Variants in KCNH8 observed in about 807,000 individuals in gnomAD.
KCNH8 encodes the protein voltage-gated delayed rectifier potassium channel KCNH8.
KCNH8 carries 70 observed loss-of-function variants against 103.6 expected under a neutral mutation model. The ratio of observed to expected loss-of-function variants is 0.68; its 90% CI spans 0.56 to 0.82. The LOEUF is 0.82. KCNH8 is among the 40% of genes least tolerant of loss of function. The pLI is 0.00. For missense variants in KCNH8, 1,217 were observed against 1,329.9 expected (o/e 0.92, Z 1.32); for synonymous variants, 498 against 489.4 (o/e 1.02, Z -0.23).
At chr3:19,345,947 A>G (rs1201820269) in intron 4 of KCNH8, among the ~76,000 whole-genome samples, 1 of 152,072 alleles carries the variant, frequency 6.6e-6, no homozygotes, top group East Asian at 1.9e-4. Context: ...TGCTTCATAT[A>G]ATCAGCATAA....
chr3:19,419,040 G>C (rs1321136703), intron 7 of KCNH8, among the ~76,000 whole-genome samples: 1 of 152,108 alleles, frequency 6.6e-6, no homozygotes. Flanking sequence ...GATAGGAAAT[G>C]AAAGATAAAC....
chr3:19,164,147 A>G (rs1297281708), intron 1 of KCNH8, among the ~76,000 whole-genome samples: 1 of 152,174 alleles, frequency 6.6e-6, no homozygotes, highest in Admixed American at 6.5e-5. Flanking sequence ...AAACATTGAC[A>G]TGCAGATGAC....
chr3:19,251,561 A>G (rs570636962), intron 1 of KCNH8, among the ~76,000 whole-genome samples: 3 of 152,198 alleles, frequency 2.0e-5, no homozygotes, highest in African/African-American at 7.2e-5. Flanking sequence ...ACAAACAACA[A>G]AAGCTTAAAA....
chr3:19,367,968 T>C (rs1201820605), intron 5 of KCNH8, among the ~76,000 whole-genome samples: 1 of 152,046 alleles, frequency 6.6e-6, no homozygotes, highest in African/African-American at 2.4e-5. Flanking sequence ...TGTTAGGATA[T>C]CATCCTTTCC....
At chr3:19,379,579 G>A (rs997165470) in intron 5 of KCNH8, among the ~76,000 whole-genome samples, 1 of 152,028 alleles carries the variant, frequency 6.6e-6, no homozygotes, top group South Asian at 2.1e-4. Context: ...GGTGGAGGTT[G>A]CAGTGAGCTG....
intron 2 of KCNH8, among the ~76,000 whole-genome samples, chr3:19,280,850 G>C (rs2064746809): frequency 6.6e-6 from 1 of 152,092 alleles, no homozygotes; most frequent in South Asian, 2.1e-4. Context: ...GAACGAGTGT[G>C]TGCTGGGGGT....
chr3:19,462,751 C>A (rs1460611311), intron 11 of KCNH8, among the ~76,000 whole-genome samples: 1 of 152,154 alleles, frequency 6.6e-6, no homozygotes, highest in South Asian at 2.1e-4. Flanking sequence ...CCTAGGTTTT[C>A]TTCTAGGGGT....
At chr3:19,525,860 G>A (rs2069054478) in intron 15 of KCNH8, among the ~76,000 whole-genome samples, 1 of 151,880 alleles carries the variant, frequency 6.6e-6, no homozygotes, top group Admixed American at 6.6e-5. Context: ...ATGGGATTGA[G>A]GTCCTCATAT....
chr3:19,471,417 T>G (rs900729108), intron 11 of KCNH8, among the ~76,000 whole-genome samples: 2 of 152,278 alleles, frequency 1.3e-5, no homozygotes, highest in Admixed American at 1.3e-4. Context: ...TTCTGGATAG[T>G]TGTTTAGGCC....
At chr3:19,420,861 T>C (rs2066940610) in intron 7 of KCNH8, among the ~76,000 whole-genome samples, 1 of 152,224 alleles carries the variant, frequency 6.6e-6, no homozygotes, top group Admixed American at 6.5e-5. Flanking sequence ...ACTGAGGATA[T>C]GTGACTGTGA....
chr3:19,377,205 G>A (rs920010546), intron 5 of KCNH8, among the ~76,000 whole-genome samples: 2 of 152,172 alleles, frequency 1.3e-5, no homozygotes, highest in Non-Finnish European at 2.9e-5. Flanking sequence ...GATATTAGTG[G>A]CAAGGAGACA....
chr3:19,535,003 A>G lies in KCNH8; in HGVS notation c.*904A>G, dbSNP rs966198606. ...ACTACATGAGCTTTGGCATGGGGAT[A>G]GAGAGGCTCCATCTAGGCTCTGCCA... On this transcript the variant is annotated 3_prime_UTR_variant, in exon 16 of 16. Coordinates refer to ENST00000328405, the MANE Select transcript of KCNH8 (RefSeq NM_144633.3). 1.3e-5 allele frequency: 2 copies of G among 152,234 alleles called. No homozygotes were observed. Among genetic ancestry groups the G allele is most frequent in the Non-Finnish European group, 2.9e-5 (2 of 68,040 alleles). The allele number at this position is 152,234 out of a possible 1,614,324, so 9.4% of individuals were successfully genotyped here.
chr3:19,372,988 T>C (rs1249349595), intron 5 of KCNH8, among the ~76,000 whole-genome samples: 4 of 151,942 alleles, frequency 2.6e-5, no homozygotes, highest in Non-Finnish European at 5.9e-5. Flanking sequence ...ATAAGCTTTT[T>C]GATGTGCTGC....
At chr3:19,276,482 CAA>C (rs1292385228) in intron 2 of KCNH8, among the ~76,000 whole-genome samples, 1 of 152,014 alleles carries the variant, frequency 6.6e-6, no homozygotes, top group African/African-American at 2.4e-5. Flanking sequence ...ATATTAGAAA[CAA>C]GAGAACATCA....
chr3:19,182,972 A>G (rs57104291), intron 1 of KCNH8, among the ~76,000 whole-genome samples: 6,306 of 152,326 alleles, frequency 0.041, 468 homozygotes, highest in African/African-American at 0.14. Flanking sequence ...GGATACAGAA[A>G]AAATTTAAGT....
chr3:19,343,712 G>A (rs2065691953), intron 4 of KCNH8, among the ~76,000 whole-genome samples: 1 of 152,038 alleles, frequency 6.6e-6, no homozygotes, highest in Non-Finnish European at 1.5e-5. Flanking sequence ...AACATAGCAA[G>A]CTCAAGGACT....
At chr3:19,148,878 CT>C in intron 1 of KCNH8, 83 bp downstream of exon 1, 2 of 1,198,476 alleles carry the variant, frequency 1.7e-6, no homozygotes, top group East Asian at 2.3e-5. Context: ...CCCACCTTCC[CT>C]TTTGCACCAG....
chr3:19,260,525 TA>T (rs2064419083), intron 2 of KCNH8, among the ~76,000 whole-genome samples: 2 of 131,478 alleles, frequency 1.5e-5, no homozygotes, highest in Admixed American at 8.0e-5. Flanking sequence ...TATATATATA[TA>T]TATATATAGT....
At chr3:19,529,202 A>ATGAG (rs1475903987) in intron 15 of KCNH8, among the ~76,000 whole-genome samples, 1 of 152,190 alleles carries the variant, frequency 6.6e-6, no homozygotes, top group African/African-American at 2.4e-5. Flanking sequence ...ATTTTCTAAT[A>ATGAG]TGAGTGTCAG....
Sources: gnomAD v4.1 joint callset for allele counts (sites outside exome capture counted in the v4.1 genomes callset) on GRCh38, gnomAD v4.1.1 for gene constraint, MANE v1.5 for transcripts, NCBI Gene and HGNC (gene_info 2026-07-23, HGNC 2026-07-21) for gene names.